FAM216A: variants seen among roughly 807,000 people sequenced by gnomAD.
FAM216A encodes the protein family with sequence similarity 216 member A.
In FAM216A, 26 loss-of-function variants were observed where a neutral mutation model predicts 37.6. That is an observed-to-expected ratio of 0.69 (90% CI 0.51 to 0.96). FAM216A has a LOEUF of 0.96. Ranked by LOEUF, FAM216A falls within the 40% of genes least tolerant of loss-of-function variation. The pLI is 0.00. For missense variants in FAM216A, 326 were observed against 339.3 expected, an observed-to-expected ratio of 0.96 and a Z score of 0.31; for synonymous variants, 110 against 121.7, an observed-to-expected ratio of 0.90 and a Z score of 0.64.
chr12:110,468,963 C>T lies in FAM216A; in HGVS notation c.88C>T (p.Arg30Cys), dbSNP rs930502997. 15 of 1,521,364 alleles carry T rather than the reference C, an allele frequency of 9.9e-6. No homozygotes were observed. The African/African-American group carries it at 1.8e-4, about 18-fold the overall frequency. The allele number at this position is 1,521,364 out of a possible 1,614,324, so 94.2% of individuals were successfully genotyped here. A position where few individuals can be genotyped will look rare whatever the true frequency, so the allele number is the denominator to read the frequency against. Residue 30 changes from arginine to cysteine, a missense_variant, in exon 1 of 7, where the codon CGT (arginine) becomes TGT (cysteine). Coordinates refer to ENST00000377673, the MANE Select transcript of FAM216A (RefSeq NM_013300.3). The part of the protein sequence containing the change: ...GQGPGSDWTE[R>C]SSSAEPPAVA... Reference sequence around the variant, plus strand: ...GGGTCCGGGGTCCGACTGGACGGAGCGTAGCTCTTCTGCAGAGCCGCCCGC... The same window carrying T: ...GGGTCCGGGGTCCGACTGGACGGAGTGTAGCTCTTCTGCAGAGCCGCCCGC...
chr12:110,477,929 A>G (rs1592977890), intron 2 of FAM216A, among the ~76,000 whole-genome samples: 2 of 147,432 alleles, frequency 1.4e-5, no homozygotes, highest in African/African-American at 5.0e-5. Context: ...AGATGGTCTC[A>G]ATCTCCTGAC....
chr12:110,485,887 T>C (rs919819410), intron 3 of FAM216A, among the ~76,000 whole-genome samples: 3 of 152,202 alleles, frequency 2.0e-5, no homozygotes, highest in Non-Finnish European at 4.4e-5. Flanking sequence ...TCCCTCAGAA[T>C]GTCCAACACA....
intron 2 of FAM216A, among the ~76,000 whole-genome samples, chr12:110,473,437 C>A (rs1389186447): frequency 1.3e-5 from 2 of 152,150 alleles, no homozygotes; most frequent in Admixed American, 1.3e-4. Flanking sequence ...GTCTGGAGCT[C>A]CTGACCTCAG....
At chr12:110,468,453 GCTGT>G (rs747140510), upstream of FAM216A, 31 of 1,535,462 alleles carry the variant, frequency 2.0e-5, no homozygotes, top group South Asian at 3.6e-5. Context: ...CCGTTGGGAT[GCTGT>G]CTAAGCTTGG....
intron 2 of FAM216A, among the ~76,000 whole-genome samples, chr12:110,484,406 G>T (rs112604092): frequency 2.4e-5 from 3 of 124,320 alleles, no homozygotes; most frequent in African/African-American, 9.2e-5. Flanking sequence ...CAGCCTGGGG[G>T]ACACAGAGAG....
At chr12:110,471,952 C>T (rs1313226073) in intron 1 of FAM216A, among the ~76,000 whole-genome samples, 3 of 152,200 alleles carry the variant, frequency 2.0e-5, no homozygotes. Flanking sequence ...AGTCTTTCGG[C>T]ATGGCGTGGT....
intron 2 of FAM216A, among the ~76,000 whole-genome samples, chr12:110,475,478 G>T (rs1203211373): frequency 6.6e-6 from 1 of 152,098 alleles, no homozygotes; most frequent in Non-Finnish European, 1.5e-5. Flanking sequence ...CTGACCTCAG[G>T]TTATCCTCCC....
At chr12:110,477,950 G>A (rs1472680184) in intron 2 of FAM216A, among the ~76,000 whole-genome samples, 1 of 149,892 alleles carries the variant, frequency 6.7e-6, no homozygotes, top group African/African-American at 2.5e-5. Context: ...CTTGTGATCT[G>A]CCCACCTCTG....
intron 2 of FAM216A, among the ~76,000 whole-genome samples, chr12:110,483,721 G>A (rs986578531): frequency 1.3e-5 from 2 of 152,158 alleles, no homozygotes; most frequent in East Asian, 1.9e-4. Context: ...GGGGTGCTGA[G>A]GCAGGAGAAT....
chr12:110,468,604 G>C, upstream of FAM216A: 1 of 1,537,204 alleles, frequency 6.5e-7, no homozygotes, highest in Non-Finnish European at 8.7e-7. Flanking sequence ...CTGGAATACT[G>C]AAGTGGAAGG....
chr12:110,479,471 T>G (rs2062733756), intron 2 of FAM216A, among the ~76,000 whole-genome samples: 1 of 151,744 alleles, frequency 6.6e-6, no homozygotes, highest in South Asian at 2.1e-4. Context: ...TACAATATAT[T>G]ATTTGCTTCG....
At chr12:110,479,500 A>G (rs1353744776) in intron 2 of FAM216A, among the ~76,000 whole-genome samples, 2 of 151,794 alleles carry the variant, frequency 1.3e-5, no homozygotes, top group Non-Finnish European at 2.9e-5. Context: ...TGTATAAAAA[A>G]GTAGTTTCTA....
At chr12:110,483,831 T>C (rs1212329050) in intron 2 of FAM216A, among the ~76,000 whole-genome samples, 1 of 151,174 alleles carries the variant, frequency 6.6e-6, no homozygotes, top group East Asian at 1.9e-4. Flanking sequence ...CAAACAAAAA[T>C]CAACAACAAA....
At chr12:110,468,510 T>G (rs1234029108), upstream of FAM216A, 1 of 1,537,288 alleles carries the variant, frequency 6.5e-7, no homozygotes, top group African/African-American at 1.4e-5. Flanking sequence ...TCCGCATCCT[T>G]GCGCCACGTG....
chr12:110,484,426 CAAAAAAAAAA>C (rs61648841), intron 2 of FAM216A, among the ~76,000 whole-genome samples: 3 of 51,258 alleles, frequency 5.9e-5, no homozygotes, highest in South Asian at 1.1e-3. Flanking sequence ...GACTCCGTCT[CAAAAAAAAAA>C]AAAAAAAAAA....
chr12:110,468,669 C>T (rs1350331902), upstream of FAM216A: 1 of 1,536,102 alleles, frequency 6.5e-7, no homozygotes, highest in African/African-American at 1.4e-5. Context: ...ACTGCTTCCA[C>T]AGAGAGGTGC....
intron 3 of FAM216A, 112 bp downstream of exon 3, chr12:110,485,311 G>GC: frequency 1.2e-6 from 1 of 863,978 alleles, no homozygotes; most frequent in South Asian, 1.7e-5. Context: ...CAAGGCATAT[G>GC]CAGTATAATT....
rs570416299 is a variant in FAM216A, at chr12:110,483,948, A to G, written c.185-1130A>G. Among the ~76,000 whole-genome samples the G allele has an allele frequency of 2.7e-3, 410 of 152,252 alleles. 1 individual carries two copies. Among genetic ancestry groups the G allele is most frequent in the Non-Finnish European group, 4.5e-3 (304 of 68,020 alleles). On this transcript the variant is annotated intron_variant, in intron 2 of 6. Coordinates refer to ENST00000377673, the MANE Select transcript of FAM216A (RefSeq NM_013300.3). ...GATAAAATTTGTGTTACTCTAGTCTAATACAGAATAGAATTTTAAGGCCGA... is the reference window on the plus strand; with the variant it reads ...GATAAAATTTGTGTTACTCTAGTCTGATACAGAATAGAATTTTAAGGCCGA...
At chr12:110,487,758 G>T in intron 5 of FAM216A, 103 bp from the exon 6 acceptor site, 2 of 733,604 alleles carry the variant, frequency 2.7e-6, no homozygotes, top group Non-Finnish European at 4.9e-6. Flanking sequence ...GGGTCTTTTT[G>T]GTGATGTTGG....
Sources: allele counts gnomAD v4.1 joint callset (sites outside exome capture counted in the v4.1 genomes callset), GRCh38; gene constraint gnomAD v4.1.1; transcripts MANE v1.5; gene names NCBI Gene and HGNC (gene_info 2026-07-23, HGNC 2026-07-21).